CNTN6: variants seen among roughly 807,000 people sequenced by gnomAD.
The protein encoded by CNTN6 is contactin-6.
A neutral mutation model predicts 122.8 loss-of-function variants in CNTN6; 137 were observed. The ratio of observed to expected loss-of-function variants is 1.12; its 90% CI spans 0.97 to 1.29. The LOEUF is 1.29. CNTN6 is among the 50% of genes most tolerant of loss of function. The probability of loss-of-function intolerance (pLI) is 0.00; values close to 1 mark genes in which losing one functional copy is unlikely to be tolerated. For synonymous variants in CNTN6, 570 were observed against 426.0 expected (o/e 1.34, Z -4.16); for missense variants, 1,634 against 1,223.4 (o/e 1.34, Z -5.01).
chr3:1,245,224 ATATATATATAT>A (rs2094548775), intron 4 of CNTN6, among the ~76,000 whole-genome samples: 1 of 19,946 alleles, frequency 5.0e-5, no homozygotes, highest in African/African-American at 3.8e-4. Flanking sequence ...ATATATATAT[ATATATATATAT>A]ACACACACAC....
chr3:1,220,543 ATTTTTGTAATAC>A, intron 2 of CNTN6, 132 bp from the exon 3 acceptor site: 1 of 763,624 alleles, frequency 1.3e-6, no homozygotes, highest in Non-Finnish European at 1.9e-6. Flanking sequence ...TTCTTTGTCC[ATTTTTGTAATAC>A]TTTTTGTGAA....
In CNTN6 at chr3:1,329,929, G is replaced by A. The variant is rs367981817; in HGVS notation, c.1358G>A (p.Ser453Asn). ...AGAGGAACGGAGACCCTTAGACAAA[G>A]CAAAAGGTAAACAAATCTTTATTTT... ...WKRGTETLRQ[S>N]KRIFLLEDGS... The change falls in exon 11 of 23, where the codon AGC becomes AAC. Residue 453 changes from serine (S) to asparagine (N), a missense_variant. By Grantham distance (46) the Ser-to-Asn change is conservative (BLOSUM62 1). Coordinates refer to ENST00000446702, the MANE Select transcript of CNTN6 (RefSeq NM_001289080.2). 6.9e-5 allele frequency: 107 copies of A among 1,542,752 alleles called. 2 individuals carry two copies. In the South Asian group the frequency reaches 1.3e-3, roughly 18 times the overall value.
At chr3:1,247,308 T>C (rs951078958) in intron 4 of CNTN6, among the ~76,000 whole-genome samples, 12 of 152,196 alleles carry the variant, frequency 7.9e-5, no homozygotes, top group Admixed American at 7.2e-4. Flanking sequence ...TAAAGGGAAT[T>C]AAATCTGCAT....
chr3:1,107,059 G>A (rs906990604), intron 1 of CNTN6, among the ~76,000 whole-genome samples: 2 of 151,898 alleles, frequency 1.3e-5, no homozygotes, highest in Non-Finnish European at 2.9e-5. Flanking sequence ...TACCTACATT[G>A]GAAATGGTAA....
intron 2 of CNTN6, among the ~76,000 whole-genome samples, chr3:1,193,644 G>A (rs1185586309): frequency 6.6e-6 from 1 of 151,886 alleles, no homozygotes; most frequent in South Asian, 2.1e-4. Flanking sequence ...ATTTTCTCAT[G>A]AACTCTATGG....
chr3:1,165,867 G>C (rs546613259), intron 2 of CNTN6, among the ~76,000 whole-genome samples: 1 of 152,030 alleles, frequency 6.6e-6, no homozygotes, highest in African/African-American at 2.4e-5. Flanking sequence ...GCCTTTCTTC[G>C]AGCACTCCCC....
At chr3:1,119,352 T>TGTGTGTGTGTGTGTGC (rs1323991755) in intron 1 of CNTN6, among the ~76,000 whole-genome samples, 1 of 150,734 alleles carries the variant, frequency 6.6e-6, no homozygotes, top group Non-Finnish European at 1.5e-5. Context: ...TGTGTGTGTG[T>TGTGTGTGTGTGTGTGC]GGAGAATGTC....
At chr3:1,297,734 A>T (rs1696510806) in intron 6 of CNTN6, among the ~76,000 whole-genome samples, 155 bp from the exon 7 acceptor site, 1 of 151,518 alleles carries the variant, frequency 6.6e-6, no homozygotes, top group South Asian at 2.1e-4. Context: ...TTTTGAAAAC[A>T]CAGAAGCATT....
chr3:1,213,617 T>C (rs887215720), intron 2 of CNTN6, among the ~76,000 whole-genome samples: 1 of 151,930 alleles, frequency 6.6e-6, no homozygotes, highest in African/African-American at 2.4e-5. Context: ...ATTATAGCCA[T>C]CTTTCTATAT....
intron 4 of CNTN6, among the ~76,000 whole-genome samples, chr3:1,277,578 C>A (rs997691490): frequency 5.3e-5 from 8 of 151,948 alleles, no homozygotes; most frequent in African/African-American, 1.9e-4. Context: ...CCAAGCTGGT[C>A]TCAAACTCCT....
intron 19 of CNTN6, among the ~76,000 whole-genome samples, chr3:1,384,158 G>C (rs775143785): frequency 6.6e-6 from 1 of 152,198 alleles, no homozygotes; most frequent in Non-Finnish European, 1.5e-5. Context: ...TGTGCACACA[G>C]AGTCAACAAT....
chr3:1,307,978 C>G (rs1475789949), intron 7 of CNTN6, among the ~76,000 whole-genome samples: 1 of 152,148 alleles, frequency 6.6e-6, no homozygotes, highest in Non-Finnish European at 1.5e-5. Flanking sequence ...TCCATACTGA[C>G]TCTTTGGAAA....
intron 4 of CNTN6, among the ~76,000 whole-genome samples, chr3:1,271,536 G>C (rs969552152): frequency 6.6e-6 from 1 of 152,128 alleles, no homozygotes; most frequent in Non-Finnish European, 1.5e-5. Flanking sequence ...GCTGGTGGGC[G>C]GTGCATAGCT....
At chr3:1,107,510 C>G (rs1442768653) in intron 1 of CNTN6, among the ~76,000 whole-genome samples, 4 of 152,042 alleles carry the variant, frequency 2.6e-5, no homozygotes, top group Non-Finnish European at 4.4e-5. Flanking sequence ...AATAACCTTT[C>G]CTCCTTAAAA....
chr3:1,312,319 A>AATATATATATATAT (rs58013186), intron 7 of CNTN6, among the ~76,000 whole-genome samples: 1 of 151,288 alleles, frequency 6.6e-6, no homozygotes, highest in South Asian at 2.1e-4. Context: ...ATCCAAGAAG[A>AATATATATATATAT]ATATATATAT....
intron 12 of CNTN6, among the ~76,000 whole-genome samples, chr3:1,365,038 C>G (rs1466377784): frequency 6.6e-6 from 1 of 151,908 alleles, no homozygotes; most frequent in Non-Finnish European, 1.5e-5. Flanking sequence ...GAGAAATGTT[C>G]CTCCCTATTC....
intron 1 of CNTN6, among the ~76,000 whole-genome samples, chr3:1,117,310 G>C: frequency 6.6e-6 from 1 of 152,276 alleles, no homozygotes; most frequent in Non-Finnish European, 1.5e-5. Flanking sequence ...GAACATGGTA[G>C]CCAGAGAGGT....
intron 11 of CNTN6, among the ~76,000 whole-genome samples, chr3:1,345,670 C>T (rs142735481): frequency 4.4e-4 from 67 of 152,092 alleles, no homozygotes; most frequent in African/African-American, 1.5e-3. Flanking sequence ...AAACAGATTC[C>T]GGTGGGACAT....
At chr3:1,265,374 A>G (rs1448779023) in intron 4 of CNTN6, among the ~76,000 whole-genome samples, 1 of 152,148 alleles carries the variant, frequency 6.6e-6, no homozygotes, top group East Asian at 1.9e-4. Flanking sequence ...AGACATTTCC[A>G]TGACTACTTC....
Sources: gnomAD v4.1 joint callset for allele counts (sites outside exome capture counted in the v4.1 genomes callset) on GRCh38, gnomAD v4.1.1 for gene constraint, MANE v1.5 for transcripts, NCBI Gene and HGNC (gene_info 2026-07-23, HGNC 2026-07-21) for gene names.